The following SKAP1 variants were observed in gnomAD, a reference collection of about 807,000 sequenced individuals.
SKAP1 encodes the protein src kinase associated phosphoprotein 1, also known as src kinase-associated phosphoprotein 1.
In SKAP1, 44 loss-of-function variants were observed where a neutral mutation model predicts 58.5. The ratio of observed to expected loss-of-function variants is 0.75; its 90% CI spans 0.59 to 0.97. The LOEUF (loss-of-function observed/expected upper bound fraction) is 0.97, where lower values mean the gene tolerates loss of function less well. SKAP1 is among the 50% of genes least tolerant of loss of function. The probability of loss-of-function intolerance (pLI) is 0.00; values close to 1 mark genes in which losing one functional copy is unlikely to be tolerated. For missense variants in SKAP1, 390 were observed against 435.2 expected (o/e 0.90, Z 0.92); for synonymous variants, 127 against 149.7 (o/e 0.85, Z 1.11).
intron 3 of SKAP1, among the ~76,000 whole-genome samples, chr17:48,362,503 T>A (rs1197236011): frequency 6.6e-6 from 1 of 152,282 alleles, no homozygotes; most frequent in Non-Finnish European, 1.5e-5. Context: ...AATAGTGCAA[T>A]TCACATTTTG....
At chr17:48,169,109 GT>G (rs11361596) in intron 10 of SKAP1, among the ~76,000 whole-genome samples, 102,309 of 149,146 alleles carry the variant, frequency 0.69, 35,139 homozygotes, top group South Asian at 0.82. Flanking sequence ...GGAACAAAAG[GT>G]TTTTTTTTTT....
chr17:48,383,031 C>G (rs1050286457), intron 2 of SKAP1, among the ~76,000 whole-genome samples: 2 of 152,144 alleles, frequency 1.3e-5, no homozygotes, highest in African/African-American at 4.8e-5. Flanking sequence ...GCTTGAAAAA[C>G]AAGAATATGT....
At position 48,263,088 on chromosome 17, in the gene SKAP1, T is replaced by C. The variant is rs140399529; in HGVS notation, c.281-73588A>G. On this transcript the variant is annotated intron_variant, in intron 4 of 12. Transcript: ENST00000336915. ...TCAAACTAACACAGTAAATAGATTT[T>C]CACCTCAAAATTGTACCTACTTAAA... is the stretch of plus-strand genomic sequence containing the variant. Among the ~76,000 whole-genome samples, 386 of 152,354 alleles carry C rather than the reference T, an allele frequency of 2.5e-3. 7 individuals are homozygous for C. The highest frequency in any genetic ancestry group is 8.6e-3 in the African/African-American group (356 of 41,586).
At chr17:48,362,116 A>C (rs2066945725) in intron 3 of SKAP1, among the ~76,000 whole-genome samples, 1 of 152,210 alleles carries the variant, frequency 6.6e-6, no homozygotes, top group Non-Finnish European at 1.5e-5. Flanking sequence ...AAGCAAATAC[A>C]GTTTTCTGTT....
intron 4 of SKAP1, among the ~76,000 whole-genome samples, chr17:48,301,034 G>A (rs1470915196): frequency 4.6e-5 from 7 of 151,968 alleles, no homozygotes; most frequent in Non-Finnish European, 1.0e-4. Flanking sequence ...TTCTCTTTTA[G>A]ACTGGTTCTT....
chr17:48,168,882 C>A (rs2064175191), intron 10 of SKAP1, among the ~76,000 whole-genome samples: 1 of 152,134 alleles, frequency 6.6e-6, no homozygotes, highest in South Asian at 2.1e-4. Context: ...TCTATAGCGC[C>A]TTTGGAGAAA....
intron 4 of SKAP1, among the ~76,000 whole-genome samples, chr17:48,244,820 C>A (rs1242624859): frequency 1.3e-5 from 2 of 152,150 alleles, no homozygotes; most frequent in Non-Finnish European, 2.9e-5. Context: ...TATTTACATC[C>A]AAACAAAATA....
intron 4 of SKAP1, among the ~76,000 whole-genome samples, chr17:48,290,377 A>G (rs1265584835): frequency 2.6e-5 from 4 of 152,250 alleles, no homozygotes; most frequent in Non-Finnish European, 5.9e-5. Flanking sequence ...CTGAACACTC[A>G]TTCCAACTAT....
rs187238866 is a variant in SKAP1, at chr17:48,400,326, T to G, written c.47-3541A>C. Among the ~76,000 whole-genome samples, 138 of 152,210 alleles carry G rather than the reference T, an allele frequency of 9.1e-4. 1 individual carries two copies. The highest frequency in any genetic ancestry group is 3.2e-3 in the African/African-American group (131 of 41,542). The stretch of plus-strand genomic sequence containing the variant: ...GTTAGCTAGGCTGGTCTCAAACTCC[T>G]GACCTCAGGTGATCCACCCGCCTGG... On this transcript the variant is annotated intron_variant, in intron 1 of 12. Transcript: ENST00000336915.
intron 4 of SKAP1, among the ~76,000 whole-genome samples, chr17:48,249,250 T>C (rs942924132): frequency 2.0e-5 from 3 of 152,100 alleles, no homozygotes; most frequent in Non-Finnish European, 2.9e-5. Context: ...AGGTCAAGTT[T>C]CAAAAACCTA....
At chr17:48,350,375 C>A (rs2066783515) in intron 3 of SKAP1, among the ~76,000 whole-genome samples, 1 of 152,112 alleles carries the variant, frequency 6.6e-6, no homozygotes, top group Non-Finnish European at 1.5e-5. Flanking sequence ...ATATTTGCAA[C>A]CAACTGTTTA....
In SKAP1 at chr17:48,301,378, T is replaced by C. The variant is rs1481100648; in HGVS notation, c.280+44527A>G. ...ATTTTCAGGGAGATTCCCAATTACC[T>C]ATCTTTATATTCCTTCAGCACCTAG... On this transcript the variant is annotated intron_variant, in intron 4 of 12. Transcript: ENST00000336915. Among the ~76,000 whole-genome samples the C allele has an allele frequency of 2.0e-5, 3 of 152,188 alleles. No homozygotes were observed. In the East Asian group the frequency reaches 5.8e-4, roughly 29 times the overall value.
chr17:48,149,645 G>C (rs538110953), intron 11 of SKAP1, among the ~76,000 whole-genome samples: 1 of 152,060 alleles, frequency 6.6e-6, no homozygotes, highest in African/African-American at 2.4e-5. Flanking sequence ...TACCCTCGGT[G>C]GGGTCATGGT....
intron 4 of SKAP1, among the ~76,000 whole-genome samples, chr17:48,284,182 T>G (rs1453670432): frequency 6.6e-6 from 1 of 152,212 alleles, no homozygotes; most frequent in Non-Finnish European, 1.5e-5. Flanking sequence ...ATGGCAAACA[T>G]TTGTAGTTGT....
At chr17:48,282,202 C>T (rs1255376737) in intron 4 of SKAP1, among the ~76,000 whole-genome samples, 1 of 152,148 alleles carries the variant, frequency 6.6e-6, no homozygotes, top group Admixed American at 6.6e-5. Flanking sequence ...AAAGTTTAAA[C>T]ATGTACAAAT....
At chr17:48,286,410 CAGA>C (rs1446509718) in intron 4 of SKAP1, among the ~76,000 whole-genome samples, 2 of 152,176 alleles carry the variant, frequency 1.3e-5, no homozygotes, top group African/African-American at 2.4e-5. Flanking sequence ...CACATACTCC[CAGA>C]AGATTTCATT....
chr17:48,391,983 A>T (rs758072440), intron 2 of SKAP1, among the ~76,000 whole-genome samples: 7 of 152,100 alleles, frequency 4.6e-5, no homozygotes, highest in Admixed American at 1.3e-4. Flanking sequence ...TAAGCTCAAT[A>T]ATTAACATTT....
chr17:48,329,387 G>C (rs1291124654), intron 4 of SKAP1, among the ~76,000 whole-genome samples: 1 of 152,098 alleles, frequency 6.6e-6, no homozygotes, highest in Non-Finnish European at 1.5e-5. Flanking sequence ...CCTTTTACCA[G>C]GGCACACAAA....
chr17:48,259,533 G>T (rs1454160725), intron 4 of SKAP1, among the ~76,000 whole-genome samples: 1 of 152,004 alleles, frequency 6.6e-6, no homozygotes, highest in Non-Finnish European at 1.5e-5. Context: ...TATATAATGT[G>T]CTTTATAAGA....
Sources: gnomAD v4.1 joint callset for allele counts (sites outside exome capture counted in the v4.1 genomes callset) on GRCh38, gnomAD v4.1.1 for gene constraint, MANE v1.5 for transcripts, NCBI Gene and HGNC (gene_info 2026-07-23, HGNC 2026-07-21) for gene names.